The following DDX4 variants were observed in gnomAD, a reference collection of about 807,000 sequenced individuals.
DDX4 encodes DEAD-box helicase 4, also known as probable ATP-dependent RNA helicase DDX4.
DDX4 carries 25 observed loss-of-function variants against 100.0 expected under a neutral mutation model. That is an observed-to-expected ratio of 0.25 (90% CI 0.18 to 0.35). DDX4 has a LOEUF of 0.35. Among genes scored for constraint, DDX4 ranks in the 10% least tolerant of loss-of-function variants. The pLI is 1.00. For missense variants in DDX4, 635 were observed against 882.4 expected (o/e 0.72, Z 3.55); for synonymous variants, 259 against 275.7 (o/e 0.94, Z 0.60).
intron 8 of DDX4, among the ~76,000 whole-genome samples, chr5:55,780,541 T>G (rs948829977): frequency 6.6e-6 from 1 of 152,204 alleles, no homozygotes; most frequent in Non-Finnish European, 1.5e-5. Flanking sequence ...GCTAAAAACA[T>G]AAATTTGTAA....
chr5:55,741,074 A>T (rs1758953120), intron 2 of DDX4, among the ~76,000 whole-genome samples: 1 of 152,196 alleles, frequency 6.6e-6, no homozygotes, highest in Non-Finnish European at 1.5e-5. Context: ...ACAGATAGAT[A>T]CTTTATTCCC....
rs147030283 is a variant in DDX4 at position 55,759,147 on chromosome 5, C to A, written c.128-1053C>A. ...CTCAAGCATCTCTTCCCACTTTGGTCTCCCAAAGCTGTTTCCTATTTTATT... is the reference window on the plus strand; with the variant it reads ...CTCAAGCATCTCTTCCCACTTTGGTATCCCAAAGCTGTTTCCTATTTTATT... On this transcript the variant is annotated intron_variant, in intron 3 of 21. Transcript: ENST00000505374. Among the ~76,000 whole-genome samples the A allele has an allele frequency of 9.2e-4, 140 of 152,062 alleles. 1 individual carries two copies. Among genetic ancestry groups the A allele is most frequent in the African/African-American group, 3.1e-3 (130 of 41,494 alleles).
chr5:55,806,762 G>A (rs1561516576), intron 18 of DDX4, among the ~76,000 whole-genome samples: 1 of 152,190 alleles, frequency 6.6e-6, no homozygotes, highest in Non-Finnish European at 1.5e-5. Context: ...ATCAATTTTG[G>A]AATAAGTGCG....
intron 3 of DDX4, 42 bp from the exon 4 acceptor site, chr5:55,760,158 C>T (rs750865821): frequency 6.5e-7 from 1 of 1,549,496 alleles, no homozygotes; most frequent in East Asian, 2.6e-5. Flanking sequence ...GTACTAGATA[C>T]TTGTTTTTAT....
In DDX4 at chr5:55,790,582, T is replaced by G. The variant is rs374596360; in HGVS notation, c.1179T>G (p.Cys393Trp). 3.0e-5 allele frequency: 47 copies of G among 1,589,586 alleles called. No homozygotes were observed. The highest frequency in any genetic ancestry group is 1.4e-4 in the South Asian group (13 of 90,012). Residue 393 changes from cysteine (C) to tryptophan (W), a missense_variant, in exon 16 of 22, where the codon TGT becomes TGG. Cys to Trp is a radical substitution (Grantham distance 215, BLOSUM62 -2). Coordinates refer to ENST00000505374, the MANE Select transcript of DDX4 (RefSeq NM_024415.3). ...TTAGTTTTCTTGTTAATAGGACTTG[T>G]GTAAGAGCTGTTGTTATATATGGGG... ...LEARKFSFGT[C>W]VRAVVIYGGT... is the part of the protein sequence containing the mutation.
intron 6 of DDX4, among the ~76,000 whole-genome samples, chr5:55,765,395 T>TAAA (rs57279452): frequency 2.6e-4 from 23 of 87,600 alleles, no homozygotes; most frequent in Admixed American, 6.3e-4. Flanking sequence ...TTAGTTCCCC[T>TAAA]AAAAAAAAAA....
chr5:55,795,837 A>C (rs1219358143), intron 17 of DDX4, among the ~76,000 whole-genome samples: 2 of 152,206 alleles, frequency 1.3e-5, no homozygotes, highest in Non-Finnish European at 2.9e-5. Flanking sequence ...ATATATGTAG[A>C]TATAAAAGGA....
intron 7 of DDX4, among the ~76,000 whole-genome samples, chr5:55,774,326 A>AT (rs1225355507): frequency 6.6e-6 from 1 of 151,450 alleles, no homozygotes; most frequent in Non-Finnish European, 1.5e-5. Context: ...TAATTTCTTT[A>AT]TTTTTTGTAG....
At chr5:55,752,763 A>T (rs1447155211) in intron 3 of DDX4, among the ~76,000 whole-genome samples, 2 of 143,014 alleles carry the variant, frequency 1.4e-5, no homozygotes. Context: ...CGCCACACTG[A>T]CTTCCACAAT....
intron 18 of DDX4, among the ~76,000 whole-genome samples, chr5:55,811,245 G>A (rs1345313057): frequency 6.6e-6 from 1 of 151,952 alleles, no homozygotes; most frequent in Non-Finnish European, 1.5e-5. Context: ...TTTAACCCAA[G>A]TGTTTTAAAT....
intron 2 of DDX4, among the ~76,000 whole-genome samples, chr5:55,745,345 T>C (rs765406028): frequency 9.9e-5 from 15 of 152,232 alleles, no homozygotes; most frequent in Non-Finnish European, 2.1e-4. Context: ...GAACTTGGCA[T>C]ACAATAGTGT....
intron 19 of DDX4, among the ~76,000 whole-genome samples, chr5:55,814,373 T>A (rs1188735615): frequency 6.6e-6 from 1 of 152,232 alleles, no homozygotes; most frequent in Non-Finnish European, 1.5e-5. Context: ...TTACTTTACC[T>A]CATTTGCAAA....
intron 7 of DDX4, among the ~76,000 whole-genome samples, chr5:55,773,915 A>G (rs976423262): frequency 2.0e-5 from 3 of 152,176 alleles, no homozygotes; most frequent in Admixed American, 2.0e-4. Flanking sequence ...TGTGTGCCAC[A>G]GTGCCCAGCC....
rs1228351202 is a variant in DDX4 at position 55,777,214 on chromosome 5, GA to G, written c.395-2744del. 3.3e-5 allele frequency among the ~76,000 whole-genome samples: 5 copies of G among 152,016 alleles called. No individual in the cohort carries two copies. The South Asian group carries it at 8.3e-4, about 25-fold the overall frequency. ...GACAGAAAGGAGAACAAAAAGCATC[GA>G]AAAAACTCTGTAAAGAGAAAACACA... On this transcript the variant is annotated intron_variant, in intron 7 of 21. Coordinates refer to ENST00000505374, the MANE Select transcript of DDX4 (RefSeq NM_024415.3).
chr5:55,740,467 A>T (rs1758915114), intron 2 of DDX4, among the ~76,000 whole-genome samples: 1 of 151,506 alleles, frequency 6.6e-6, no homozygotes. Flanking sequence ...TGCCCAGCCC[A>T]AACATGTTTT....
intron 18 of DDX4, among the ~76,000 whole-genome samples, chr5:55,812,542 G>A (rs541001801): frequency 1.4e-4 from 18 of 129,084 alleles, no homozygotes; most frequent in Admixed American, 3.2e-4. Context: ...CCAGCAAGCC[G>A]AGATTGCGCC....
intron 18 of DDX4, among the ~76,000 whole-genome samples, chr5:55,803,789 G>A (rs1319998167): frequency 3.3e-5 from 5 of 151,886 alleles, no homozygotes; most frequent in Non-Finnish European, 7.4e-5. Flanking sequence ...ATAAACATAC[G>A]TGTGCATGTG....
chr5:55,746,368 T>C, intron 3 of DDX4, 147 bp downstream of exon 3: 1 of 573,828 alleles, frequency 1.7e-6, no homozygotes. Flanking sequence ...TATTGTGGAA[T>C]GGGGGTACTT....
chr5:55,800,918 T>C (rs1405110692), intron 18 of DDX4, among the ~76,000 whole-genome samples: 1 of 152,154 alleles, frequency 6.6e-6, no homozygotes, highest in Non-Finnish European at 1.5e-5. Context: ...AATTATGCTA[T>C]TTTTTTCCTT....
Sources: allele counts gnomAD v4.1 joint callset (sites outside exome capture counted in the v4.1 genomes callset), GRCh38; gene constraint gnomAD v4.1.1; transcripts MANE v1.5; gene names NCBI Gene and HGNC (gene_info 2026-07-23, HGNC 2026-07-21).